SLC5A10: variants seen among roughly 807,000 people sequenced by gnomAD.
SLC5A10 encodes the protein sodium/mannose cotransporter SLC5A10.
Under a neutral mutation model 68.9 loss-of-function variants are expected in SLC5A10, and 55 were observed. The ratio of observed to expected loss-of-function variants is 0.80; its 90% CI spans 0.64 to 1.00. The LOEUF (loss-of-function observed/expected upper bound fraction) is 1.00. Ranked by LOEUF, SLC5A10 falls within the 50% of genes least tolerant of loss-of-function variation. SLC5A10 has a pLI of 0.00. For synonymous variants in SLC5A10, 344 were observed against 344.8 expected, an observed-to-expected ratio of 1.00 and a Z score of 0.02; for missense variants, 732 against 819.3, an observed-to-expected ratio of 0.89 and a Z score of 1.30.
intron 1 of SLC5A10, among the ~76,000 whole-genome samples, chr17:18,956,581 A>T (rs1181315494): frequency 1.4e-5 from 2 of 146,444 alleles, no homozygotes; most frequent in African/African-American, 5.1e-5. Flanking sequence ...GTCTCAAGTG[A>T]TCCTCCCACC....
chr17:18,988,521 C>G, intron 9 of SLC5A10: 2 of 1,524,400 alleles, frequency 1.3e-6, no homozygotes, highest in Non-Finnish European at 1.8e-6. Flanking sequence ...CTCACAGGTG[C>G]CCACTCTGGC....
At chr17:18,960,739 C>A in intron 5 of SLC5A10, 87 bp downstream of exon 5, 2 of 1,270,600 alleles carry the variant, frequency 1.6e-6, no homozygotes, top group Non-Finnish European at 2.3e-6. Context: ...TCTTCTCATT[C>A]ATCTCTGCCT....
At position 19,017,254 on chromosome 17, in the gene SLC5A10, G is replaced by A. The variant is rs1287706108; in HGVS notation, c.1241+2055G>A. On this transcript the variant is annotated intron_variant, in intron 11 of 14. Transcript: ENST00000395645. This position sits in a 1 kb window ranked among gnomAD's most constrained non-coding sequence, Gnocchi z 5.6. ...AGGGCCCCGTGCCAGGTGTCAGGCT[G>A]GCCAGCTCAACTTCCCGTCCCTCTT... The A allele has an allele frequency of 6.5e-7, 1 of 1,543,672 alleles. No individual in the cohort carries two copies. The highest frequency in any genetic ancestry group is 8.8e-7 in the Non-Finnish European group (1 of 1,139,736).
rs2042752575 is a variant in SLC5A10, at chr17:18,968,301, G to GC, written c.454-750dup. Among the ~76,000 whole-genome samples the GC allele has an allele frequency of 6.6e-6, 1 of 152,224 alleles. No individual in the cohort carries two copies. The highest frequency in any genetic ancestry group is 1.5e-5 in the Non-Finnish European group (1 of 68,022). ...GTAGGTTTAGGAACTCAGGGGTGGG[G>GC]CAAGGTGAAGCCTGTTACTAGCCCA... is the stretch of plus-strand genomic sequence containing the variant. On this transcript the variant is annotated intron_variant, in intron 5 of 14. Transcript: ENST00000395645. The surrounding 1 kb of genome is among the most constrained non-coding windows in gnomAD (Gnocchi z 4.1).
rs2043573307 is a variant in SLC5A10, at chr17:18,996,377, CA to C, written c.983-17032del. 6.6e-6 allele frequency among the ~76,000 whole-genome samples: 1 copy of C among 152,102 alleles called. No homozygotes were observed. Among genetic ancestry groups the C allele is most frequent in the Non-Finnish European group, 1.5e-5 (1 of 68,018 alleles). On this transcript the variant is annotated intron_variant, in intron 9 of 14. Transcript: ENST00000395645. This position sits in a 1 kb window ranked among gnomAD's most constrained non-coding sequence, Gnocchi z 4.4. The stretch of plus-strand genomic sequence containing the variant: ...CTCCCCCTCCCCTCCTCCTCCCCTC[CA>C]GGGGGCTGGCAGAATTAGTGACATG...
chr17:18,952,358 G>T (rs768258505), intron 1 of SLC5A10, 42 bp downstream of exon 1: 8 of 1,584,248 alleles, frequency 5.0e-6, no homozygotes, highest in Middle Eastern at 3.3e-4. Flanking sequence ...GGGCTCTCAG[G>T]GTTGGTGCTT....
chr17:18,967,481 G>A (rs1027904190), intron 5 of SLC5A10, among the ~76,000 whole-genome samples: 1 of 152,226 alleles, frequency 6.6e-6, no homozygotes, highest in African/African-American at 2.4e-5. Context: ...CTGGTGAGCC[G>A]GTGAGCAAAG....
chr17:18,978,406 C>A (rs868469640), intron 9 of SLC5A10: 1 of 1,591,164 alleles, frequency 6.3e-7, no homozygotes, highest in Non-Finnish European at 8.6e-7. Context: ...CGCTGCCAGG[C>A]TCCGGGTCTG....
intron 8 of SLC5A10, among the ~76,000 whole-genome samples, chr17:18,975,433 T>C (rs1344363210): frequency 6.6e-6 from 1 of 152,200 alleles, no homozygotes; most frequent in Non-Finnish European, 1.5e-5. Context: ...CTCACACCTG[T>C]AATCCCAGCA....
rs996742496 is a variant in SLC5A10 at position 18,971,478 on chromosome 17, T to C, written c.846+260T>C. On this transcript the variant is annotated intron_variant, in intron 8 of 14. Transcript: ENST00000395645. This position sits in a 1 kb window ranked among gnomAD's most constrained non-coding sequence, Gnocchi z 5.5. The stretch of plus-strand genomic sequence containing the variant: ...GACTGAGACAGTTTGGAGTATGGGA[T>C]TCCGAAGGGACTCGGATGCTCCTCG... The C allele has an allele frequency of 6.2e-6, 10 of 1,613,896 alleles. No individual in the cohort carries two copies. The African/African-American group carries it at 1.2e-4, about 19-fold the overall frequency.
At position 18,996,204 on chromosome 17, in the gene SLC5A10, A is replaced by G. The variant is rs1228095407; in HGVS notation, c.983-17206A>G. 1.3e-5 allele frequency among the ~76,000 whole-genome samples: 2 copies of G among 151,838 alleles called. No individual in the cohort carries two copies. The highest frequency in any genetic ancestry group is 4.9e-5 in the African/African-American group (2 of 41,120). ...TACATTTCAAAACAAAAGGCAAACT[A>G]AAGACTTTTTCAAATATAAAAAAGC... On this transcript the variant is annotated intron_variant, in intron 9 of 14. Coordinates refer to ENST00000395645, the MANE Select transcript of SLC5A10 (RefSeq NM_001042450.4). This position sits in a 1 kb window ranked among gnomAD's most constrained non-coding sequence, Gnocchi z 4.4.
intron 8 of SLC5A10, among the ~76,000 whole-genome samples, chr17:18,972,811 G>C (rs2042886933): frequency 6.6e-6 from 1 of 151,620 alleles, no homozygotes; most frequent in African/African-American, 2.4e-5. Flanking sequence ...ACAGTGAGCA[G>C]TGAGCCGAGA....
At chr17:18,988,304 G>A (rs765402397) in intron 9 of SLC5A10, 7 of 1,614,206 alleles carry the variant, frequency 4.3e-6, no homozygotes, top group East Asian at 4.5e-5. Flanking sequence ...AGTACTTGAC[G>A]TTACTCTCAT....
At chr17:18,977,418 T>C (rs1157968000) in intron 9 of SLC5A10, 2 of 700,190 alleles carry the variant, frequency 2.9e-6, no homozygotes, top group Non-Finnish European at 4.7e-6. Context: ...CATATGGCCC[T>C]GGCCGGTTCC....
rs1221509825 is a variant in SLC5A10, at chr17:19,004,666, C to G, written c.983-8744C>G. 1 of 151,638 alleles carries G rather than the reference C, an allele frequency of 6.6e-6. No homozygotes were observed. Among genetic ancestry groups the G allele is most frequent in the Non-Finnish European group, 1.5e-5 (1 of 67,810 alleles). 9.4% of individuals were successfully genotyped at this position (151,638 alleles called of 1,614,324 possible). A position where few individuals can be genotyped will look rare whatever the true frequency, so the allele number is the denominator to read the frequency against. On this transcript the variant is annotated intron_variant, in intron 9 of 14. Coordinates refer to ENST00000395645, the MANE Select transcript of SLC5A10 (RefSeq NM_001042450.4). This position sits in a 1 kb window ranked among gnomAD's most constrained non-coding sequence, Gnocchi z 5.4. ...ACGCGGTTGCGGGGCGGCGACGCCC[C>G]GCGAGACCCGGGATCCGGGGGGCGC...
In SLC5A10 at chr17:18,952,309, G is replaced by A. The variant is rs1240458469; in HGVS notation, c.104G>A (p.Gly35Asp). Residue 35 changes from glycine to aspartate, a missense_variant, in exon 1 of 15, where the codon GGC becomes GAC. Gly to Asp is a moderately conservative substitution (Grantham distance 94, BLOSUM62 -1). Coordinates refer to ENST00000395645, the MANE Select transcript of SLC5A10 (RefSeq NM_001042450.4). ...TVYFALNVAV[G>D]IWSSCRASRN... ...TATTTTGCTCTGAATGTGGCCGTGGGCATATGGGTAAGGGGACCTGTGGTG... is the reference window on the plus strand; with the variant it reads ...TATTTTGCTCTGAATGTGGCCGTGGACATATGGGTAAGGGGACCTGTGGTG... The A allele has an allele frequency of 3.1e-6, 5 of 1,611,918 alleles. No individual in the cohort carries two copies. Among genetic ancestry groups the A allele is most frequent in the Admixed American group, 1.7e-5 (1 of 59,744 alleles).
chr17:19,013,317 G>T (rs1364431085), intron 9 of SLC5A10, 93 bp from the exon 10 acceptor site: 1 of 1,572,022 alleles, frequency 6.4e-7, no homozygotes. Flanking sequence ...GATGGAGCAG[G>T]TCTGGGCCAG....
At chr17:18,986,971 C>G (rs2043286571) in intron 9 of SLC5A10, among the ~76,000 whole-genome samples, 1 of 152,180 alleles carries the variant, frequency 6.6e-6, no homozygotes, top group Non-Finnish European at 1.5e-5. Flanking sequence ...GGGCTTGGGG[C>G]CAACCCACCA....
rs145883384 is a variant in SLC5A10 at position 18,980,568 on chromosome 17, G to A, written c.982+3579G>A. On this transcript the variant is annotated intron_variant, in intron 9 of 14. Coordinates refer to ENST00000395645, the MANE Select transcript of SLC5A10 (RefSeq NM_001042450.4). ...GTCTCTGGAGCTGCCAAGGGCCTGT[G>A]TGTTATGAGCTCCAGGTGCTGACTT... Among the ~76,000 whole-genome samples, 805 of 152,290 alleles carry A rather than the reference G, an allele frequency of 5.3e-3. 9 individuals are homozygous for A. The highest frequency in any genetic ancestry group is 0.019 in the African/African-American group (770 of 41,556).
Sources: allele counts gnomAD v4.1 joint callset (sites outside exome capture counted in the v4.1 genomes callset), GRCh38; gene constraint gnomAD v4.1.1; non-coding constraint Gnocchi (gnomAD v3.1); transcripts MANE v1.5; gene names NCBI Gene and HGNC (gene_info 2026-07-23, HGNC 2026-07-21).